The following CDK5RAP2 variants were observed in gnomAD, a reference collection of about 807,000 sequenced individuals.
CDK5RAP2 encodes the protein CDK5 regulatory subunit-associated protein 2.
CDK5RAP2 carries 147 observed loss-of-function variants against 232.9 expected under a neutral mutation model. The ratio of observed to expected loss-of-function variants is 0.63; its 90% CI spans 0.55 to 0.72. The LOEUF (loss-of-function observed/expected upper bound fraction) is 0.72. CDK5RAP2 is among the 30% of genes least tolerant of loss of function. The pLI is 0.00. For missense variants in CDK5RAP2, 2,195 were observed against 2,231.5 expected (o/e 0.98, Z 0.33); for synonymous variants, 833 against 833.7 (o/e 1.00, Z 0.01).
intron 15 of CDK5RAP2, among the ~76,000 whole-genome samples, chr9:120,476,693 A>G (rs1395767217): frequency 6.6e-6 from 1 of 151,804 alleles, no homozygotes; most frequent in Non-Finnish European, 1.5e-5. Context: ...AAAAAAAAAA[A>G]AAGGACTTCT....
intron 14 of CDK5RAP2, among the ~76,000 whole-genome samples, chr9:120,480,415 T>TAC (rs2038237996): frequency 6.6e-6 from 1 of 152,204 alleles, no homozygotes; most frequent in African/African-American, 2.4e-5. Flanking sequence ...CTAGTAGTAT[T>TAC]ACCTTGACTT....
chr9:120,474,482 G>A (rs2037895458), intron 15 of CDK5RAP2, among the ~76,000 whole-genome samples: 1 of 152,112 alleles, frequency 6.6e-6, no homozygotes, highest in Non-Finnish European at 1.5e-5. Context: ...ATGCCCTCAT[G>A]ACAAAAAAAT....
chr9:120,571,926 A>T, intron 2 of CDK5RAP2, 48 bp downstream of exon 2: 1 of 1,444,854 alleles, frequency 6.9e-7, no homozygotes, highest in Non-Finnish European at 9.7e-7. Flanking sequence ...TCCAATGTCT[A>T]CTTTCCTTGT....
intron 22 of CDK5RAP2, among the ~76,000 whole-genome samples, chr9:120,445,017 C>G (rs962416441): frequency 3.9e-5 from 6 of 152,228 alleles, no homozygotes; most frequent in African/African-American, 1.2e-4. Context: ...CTGACCCACT[C>G]TGGAAATCCT....
At position 120,403,359 on chromosome 9, in the gene CDK5RAP2, C is replaced by T. The variant is rs928611499; in HGVS notation, c.5042-288G>A. 6.7e-6 allele frequency: 3 copies of T among 447,614 alleles called. No individual in the cohort carries two copies. The highest frequency in any genetic ancestry group is 4.0e-5 in the African/African-American group (2 of 50,214). The allele number at this position is 447,614 out of a possible 1,614,324, so 27.7% of individuals were successfully genotyped here. A position where few individuals can be genotyped will look rare whatever the true frequency, so the allele number is the denominator to read the frequency against. On this transcript the variant is annotated intron_variant, in intron 33 of 37. Coordinates refer to ENST00000349780, the MANE Select transcript of CDK5RAP2 (RefSeq NM_018249.6). The surrounding 1 kb of genome is among the most constrained non-coding windows in gnomAD (Gnocchi z 4.2). ...TTCACAAGGATGACTCAAGCTGGTG[C>T]CTGCATTCCAGTAGCCCACAGTCTG...
intron 3 of CDK5RAP2, among the ~76,000 whole-genome samples, chr9:120,559,840 G>A (rs2042399387): frequency 6.6e-6 from 1 of 152,112 alleles, no homozygotes; most frequent in Non-Finnish European, 1.5e-5. Flanking sequence ...TTAGCGGCAG[G>A]AAAAATTTTG....
rs2033201558 is a variant in CDK5RAP2 at position 120,403,351 on chromosome 9, A to G, written c.5042-280T>C. On this transcript the variant is annotated intron_variant, in intron 33 of 37. Transcript: ENST00000349780. This position sits in a 1 kb window ranked among gnomAD's most constrained non-coding sequence, Gnocchi z 4.2. ...ACCCCAGATTCACAAGGATGACTCA[A>G]GCTGGTGCCTGCATTCCAGTAGCCC... 1 of 460,352 alleles carries G rather than the reference A, an allele frequency of 2.2e-6. No individual in the cohort carries two copies. The highest frequency in any genetic ancestry group is 2.0e-5 in the African/African-American group (1 of 50,712). 28.5% of individuals were successfully genotyped at this position (460,352 alleles called of 1,614,324 possible). A position where few individuals can be genotyped will look rare whatever the true frequency, so the allele number is the denominator to read the frequency against.
intron 14 of CDK5RAP2, among the ~76,000 whole-genome samples, chr9:120,482,364 T>A (rs764306702): frequency 1.6e-4 from 24 of 152,090 alleles, no homozygotes; most frequent in Non-Finnish European, 2.9e-4. Context: ...TTCCAAAGAT[T>A]CCTCGGAATT....
intron 32 of CDK5RAP2, among the ~76,000 whole-genome samples, chr9:120,405,974 A>G (rs1239368351): frequency 6.6e-6 from 1 of 152,248 alleles, no homozygotes; most frequent in African/African-American, 2.4e-5. Context: ...AAAATATGCA[A>G]ATTTTAAAAA....
intron 3 of CDK5RAP2, among the ~76,000 whole-genome samples, chr9:120,555,542 A>C (rs574471985): frequency 6.6e-6 from 1 of 152,306 alleles, no homozygotes; most frequent in African/African-American, 2.4e-5. Flanking sequence ...TGGTAAAATA[A>C]AATTTTTTAA....
At chr9:120,498,126 G>A (rs1004258443) in intron 12 of CDK5RAP2, among the ~76,000 whole-genome samples, 6 of 152,160 alleles carry the variant, frequency 3.9e-5, no homozygotes, top group African/African-American at 1.2e-4. Context: ...TGTGGATCAC[G>A]TGCTTGCCCT....
rs1387203702 is a variant in CDK5RAP2, at chr9:120,497,446, AAAAAAAAAG to A, written c.1312-5978_1312-5970del. Among the ~76,000 whole-genome samples, 20 of 87,604 alleles carry A rather than the reference AAAAAAAAAG, an allele frequency of 2.3e-4. 1 individual carries two copies. The highest frequency in any genetic ancestry group is 3.2e-4 in the Non-Finnish European group (16 of 49,934). 57.5% of individuals were successfully genotyped at this position (87,604 alleles called of 152,430 possible). ...TAAAAAAAAAAAAAAAAAAAAAAAAAAAAAAAAAGAATCATCAATGGATGCTAGAATTCT... is the reference window on the plus strand; with the variant it reads ...TAAAAAAAAAAAAAAAAAAAAAAAAAAATCATCAATGGATGCTAGAATTCT... On this transcript the variant is annotated intron_variant, in intron 12 of 37. Coordinates refer to ENST00000349780, the MANE Select transcript of CDK5RAP2 (RefSeq NM_018249.6).
chr9:120,541,677 G>A (rs752895689), intron 5 of CDK5RAP2, among the ~76,000 whole-genome samples: 3 of 152,152 alleles, frequency 2.0e-5, no homozygotes, highest in Admixed American at 6.6e-5. Context: ...GAGGCAGAGC[G>A]GCCGCTACAC....
intron 5 of CDK5RAP2, among the ~76,000 whole-genome samples, chr9:120,542,943 T>C (rs918039270): frequency 6.6e-6 from 1 of 152,132 alleles, no homozygotes; most frequent in African/African-American, 2.4e-5. Flanking sequence ...TGGAAGGCAT[T>C]TGGGCTGGGA....
chr9:120,563,219 G>A (rs1827807615), intron 3 of CDK5RAP2, among the ~76,000 whole-genome samples: 1 of 152,130 alleles, frequency 6.6e-6, no homozygotes, highest in Admixed American at 6.5e-5. Flanking sequence ...GCAGAGGGTG[G>A]AGCATGCACG....
intron 32 of CDK5RAP2, chr9:120,406,076 T>G (rs1413111115): frequency 6.6e-6 from 1 of 152,254 alleles, no homozygotes; most frequent in Non-Finnish European, 1.5e-5. Flanking sequence ...AAGATCCTTG[T>G]CAATGAGAAA....
At chr9:120,466,278 G>A (rs1022427130) in intron 18 of CDK5RAP2, among the ~76,000 whole-genome samples, 2 of 151,812 alleles carry the variant, frequency 1.3e-5, no homozygotes, top group African/African-American at 2.4e-5. Flanking sequence ...CCAGAGAACC[G>A]CAGGCTCCAC....
Position 120,572,043 on chromosome 9 carries a change from T to C in CDK5RAP2, c.60-2A>G. 2 of 1,610,698 alleles carry C rather than the reference T, an allele frequency of 1.2e-6. No individual in the cohort carries two copies. Among genetic ancestry groups the C allele is most frequent in the Non-Finnish European group, 1.7e-6 (2 of 1,176,876 alleles). On this transcript the variant is annotated splice_acceptor_variant, in intron 1 of 37. Transcript: ENST00000349780. LOFTEE classifies it high-confidence loss of function. The stretch of plus-strand genomic sequence containing the variant: ...TCTGGTACACTGGGAACAAGGCCAC[T>C]AGGAGAGAACACATGAGATAAGAGA...
intron 3 of CDK5RAP2, among the ~76,000 whole-genome samples, chr9:120,561,271 A>G (rs759698812): frequency 2.0e-5 from 3 of 152,172 alleles, no homozygotes; most frequent in Non-Finnish European, 2.9e-5. Context: ...TTACTAGGTA[A>G]GTATCTTATA....
Sources: gnomAD v4.1 joint callset for allele counts (sites outside exome capture counted in the v4.1 genomes callset) on GRCh38, gnomAD v4.1.1 for gene constraint, Gnocchi (gnomAD v3.1) non-coding constraint, MANE v1.5 for transcripts, NCBI Gene and HGNC (gene_info 2026-07-23, HGNC 2026-07-21) for gene names.